Variants in LTA4H observed in about 807,000 individuals in gnomAD.
The protein encoded by LTA4H is leukotriene A-4 hydrolase.
LTA4H carries 59 observed loss-of-function variants against 89.8 expected under a neutral mutation model. That is an observed-to-expected ratio of 0.66 (90% confidence interval 0.53 to 0.82). LTA4H has a LOEUF of 0.82. LTA4H is among the 40% of genes least tolerant of loss of function. The probability of loss-of-function intolerance (pLI) is 0.00; values close to 1 mark genes in which losing one functional copy is unlikely to be tolerated. For missense variants in LTA4H, 617 were observed against 727.0 expected (o/e 0.85, Z 1.74); for synonymous variants, 227 against 253.1 (o/e 0.90, Z 0.98).
intron 6 of LTA4H, 58 bp downstream of exon 6, chr12:96,021,027 T>C: frequency 7.1e-7 from 1 of 1,408,080 alleles, no homozygotes; most frequent in Non-Finnish European, 9.8e-7. Flanking sequence ...TTGAGAGAAG[T>C]TCAAGATGCC....
chr12:96,015,275 T>C lies in LTA4H; in HGVS notation c.1060-276A>G. On this transcript the variant is annotated intron_variant, in intron 11 of 18. Coordinates refer to ENST00000228740, the MANE Select transcript of LTA4H (RefSeq NM_000895.3). ...TGATTTAATGCCTGGTCAGCAAATTTGGCTTTCAGGAGACAACACTTAAAA... is the reference window on the plus strand; with the variant it reads ...TGATTTAATGCCTGGTCAGCAAATTCGGCTTTCAGGAGACAACACTTAAAA... 8.2e-6 allele frequency: 4 copies of C among 485,962 alleles called. No individual in the cohort carries two copies. In the South Asian group the frequency reaches 1.6e-4, roughly 20 times the overall value. 30.1% of individuals were successfully genotyped at this position (485,962 alleles called of 1,614,324 possible).
At chr12:96,006,012 T>C (rs1223609991) in intron 16 of LTA4H, among the ~76,000 whole-genome samples, 1 of 152,118 alleles carries the variant, frequency 6.6e-6, no homozygotes, top group African/African-American at 2.4e-5. Flanking sequence ...CCTCCCAAAG[T>C]GCTGGGATTA....
Position 96,029,070 on chromosome 12 carries a change from G to T in LTA4H, c.275C>A (p.Pro92His). The change falls in exon 2 of 19, where the codon CCT becomes CAT. Residue 92 changes from proline to histidine, a missense_variant. By Grantham distance (77) the Pro-to-His change is moderately conservative. This residue lies in a region of LTA4H where 155 missense variants were observed against 143.3 expected (regional missense o/e 1.08). Coordinates refer to ENST00000228740, the MANE Select transcript of LTA4H (RefSeq NM_000895.3). ...YKGSPMEISL[P>H]IALSKNQEIV... ...ACATTCATACTTGCTCAAAGCGATA[G>T]GAAGAGAGATTTCCATTGGCGATCC... 1 of 1,587,470 alleles carries T rather than the reference G, an allele frequency of 6.3e-7. No homozygotes were observed. Among genetic ancestry groups the T allele is most frequent in the Non-Finnish European group, 8.6e-7 (1 of 1,168,348 alleles).
At chr12:96,008,418 TAGTC>T (rs1160328962) in intron 15 of LTA4H, among the ~76,000 whole-genome samples, 1 of 152,152 alleles carries the variant, frequency 6.6e-6, no homozygotes, top group Non-Finnish European at 1.5e-5. Context: ...GCACCACTAA[TAGTC>T]AGCAGCTGGT....
intron 16 of LTA4H, 54 bp downstream of exon 16, chr12:96,006,260 A>T: frequency 9.0e-7 from 1 of 1,115,898 alleles, no homozygotes; most frequent in Non-Finnish European, 1.3e-6. Flanking sequence ...GTAGAACATA[A>T]ATGCTGTGCC....
intron 14 of LTA4H, chr12:96,009,396 C>A: frequency 6.1e-6 from 3 of 489,380 alleles, no homozygotes; most frequent in South Asian, 4.7e-5. Flanking sequence ...GCCAAAGCAC[C>A]TCAGCAAAAG....
At chr12:96,032,494 C>T (rs2540490) in intron 1 of LTA4H, among the ~76,000 whole-genome samples, 42,583 of 152,068 alleles carry the variant, frequency 0.28, 6,622 homozygotes, top group East Asian at 0.42. Flanking sequence ...TACTAGGAAG[C>T]TGAGATACAA....
rs1950704171 is a variant in LTA4H at position 96,043,439 on chromosome 12, C to T, written c.-64G>A. On this transcript the variant is annotated 5_prime_UTR_variant, in exon 1 of 18. Transcript: ENST00000413268. The stretch of plus-strand genomic sequence containing the variant: ...AAATAAACTCCCAAGCCCATGCATC[C>T]TCTTGCCCTCTTCCCTTGTTGCTTT... 3.1e-6 allele frequency: 3 copies of T among 957,274 alleles called. No individual in the cohort carries two copies. The South Asian group carries it at 4.2e-5, about 13-fold the overall frequency. The allele number at this position is 957,274 out of a possible 1,614,324, so 59.3% of individuals were successfully genotyped here.
At chr12:96,035,596 G>A (rs999491001), upstream of LTA4H, 6 of 1,491,592 alleles carry the variant, frequency 4.0e-6, no homozygotes, top group Admixed American at 4.4e-5. Context: ...AGAACCTGAG[G>A]AGGAGGGAGA....
At chr12:96,030,068 C>CA (rs914950598) in intron 1 of LTA4H, among the ~76,000 whole-genome samples, 3 of 152,142 alleles carry the variant, frequency 2.0e-5, no homozygotes, top group African/African-American at 7.2e-5. Flanking sequence ...GGGCAGCCCC[C>CA]ACCCCGATCA....
At chr12:96,017,436 GAA>G (rs1950394998) in intron 9 of LTA4H, 119 bp downstream of exon 9, 7 of 789,610 alleles carry the variant, frequency 8.9e-6, no homozygotes, top group Non-Finnish European at 1.4e-5. Context: ...AATAATGTGA[GAA>G]GAGTCCCCAA....
chr12:96,035,258 G>C, intron 1 of LTA4H, 103 bp downstream of exon 1: 3 of 1,258,940 alleles, frequency 2.4e-6, no homozygotes, highest in Non-Finnish European at 3.3e-6. Context: ...GGCTAGGCAG[G>C]GGCCGCGGCG....
upstream of LTA4H, among the ~76,000 whole-genome samples, chr12:96,035,994 C>T (rs1324432572): frequency 2.6e-5 from 4 of 152,168 alleles, no homozygotes; most frequent in Admixed American, 2.0e-4. Flanking sequence ...TAGAAAAGGC[C>T]TATCAGAAGG....
chr12:96,034,847 G>A (rs1367848278), intron 1 of LTA4H, among the ~76,000 whole-genome samples: 4 of 152,226 alleles, frequency 2.6e-5, no homozygotes, highest in Non-Finnish European at 1.5e-5. Context: ...GGATCGACAG[G>A]ACATGGGATC....
intron 14 of LTA4H, chr12:96,010,597 G>A (rs777045602): frequency 1.2e-4 from 18 of 152,272 alleles, no homozygotes; most frequent in Non-Finnish European, 2.4e-4. Context: ...AAAACTGCCA[G>A]TGTGACTGAA....
intron 3 of LTA4H, among the ~76,000 whole-genome samples, chr12:96,027,175 T>C (rs17025090): frequency 0.13 from 19,516 of 152,194 alleles, 1,559 homozygotes; most frequent in East Asian, 0.3. Flanking sequence ...TACTCTCTGC[T>C]AAGTTCTAAG....
rs1036632029 is a variant in LTA4H, at chr12:96,006,376, T to C, written c.1468A>G (p.Thr490Ala). ...KEDDLNSFNA[T>A]DLKDLSSHQL... ...TGAGAAGAGAGATCCTTCAGGTCTG[T>C]GGCATTGAATGAATTTAAATCATCT... is the stretch of plus-strand genomic sequence containing the variant. Residue 490 changes from threonine (T) to alanine (A), a missense_variant, in exon 16 of 19, where the codon ACA (threonine) becomes GCA (alanine). Around this residue, in one of 3 missense-constraint regions of LTA4H, gnomAD observed 290 missense variants for 339.1 expected, o/e 0.86. Transcript: ENST00000228740. 1.2e-6 allele frequency: 2 copies of C among 1,611,074 alleles called. No homozygotes were observed. The highest frequency in any genetic ancestry group is 1.7e-5 in the Admixed American group (1 of 59,902).
chr12:96,027,533 C>T lies in LTA4H; in HGVS notation c.322G>A (p.Glu108Lys). 1 of 1,598,150 alleles carries T rather than the reference C, an allele frequency of 6.3e-7. No individual in the cohort carries two copies. The highest frequency in any genetic ancestry group is 8.6e-7 in the Non-Finnish European group (1 of 1,166,986). Reference protein sequence around the residue: ...NQEIVIEISFETSPKSSALQW... With the variant: ...NQEIVIEISFKTSPKSSALQW... ...AGAGCAGAAGATTTTGGAGAGGTCTCAAAAGAAATTTCTATAACAATTTCT... is the reference window on the plus strand; with the variant it reads ...AGAGCAGAAGATTTTGGAGAGGTCTTAAAAGAAATTTCTATAACAATTTCT... The change falls in exon 3 of 19, where the codon GAG becomes AAG. Residue 108 changes from glutamate (E) to lysine (K), a missense_variant. Physicochemically the swap from Glu to Lys is moderately conservative, Grantham distance 56 (BLOSUM62 1). Transcript: ENST00000228740.
chr12:96,022,147 T>C lies in LTA4H; in HGVS notation c.585A>G (p.Lys195=), dbSNP rs749589569. 1.2e-6 allele frequency: 2 copies of C among 1,610,918 alleles called. No individual in the cohort carries two copies. Among genetic ancestry groups the C allele is most frequent in the South Asian group, 2.2e-5 (2 of 90,988 alleles). Reference sequence around the variant, plus strand: ...AAAAATCTAGACCCTAGGATCTTACTTTTTGGATGAATTTGTATATTTTCC... The same window carrying C: ...AAAAATCTAGACCCTAGGATCTTACCTTTTGGATGAATTTGTATATTTTCC... The part of the protein sequence containing the change: ...PSRKIYKFIQ[K]VPIPCYLIAL... The change falls in exon 5 of 19, where the codon AAA becomes AAG. Residue 195 remains lysine, a splice_region_variant and synonymous_variant. Coordinates refer to ENST00000228740, the MANE Select transcript of LTA4H (RefSeq NM_000895.3). This position sits in a 1 kb window ranked among gnomAD's most constrained non-coding sequence, Gnocchi z 4.0.
Sources: gnomAD v4.1 joint callset for allele counts (sites outside exome capture counted in the v4.1 genomes callset) on GRCh38, gnomAD v4.1.1 for gene constraint, gnomAD v4.1.1 regional missense constraint, Gnocchi (gnomAD v3.1) non-coding constraint, MANE v1.5 for transcripts, NCBI Gene and HGNC (gene_info 2026-07-23, HGNC 2026-07-21) for gene names.